The following AATK variants were observed in gnomAD, a reference collection of about 807,000 sequenced individuals.
AATK encodes the protein serine/threonine-protein kinase LMTK1.
In AATK, 91 loss-of-function variants were observed where a neutral mutation model predicts 114.3. The ratio of observed to expected loss-of-function variants is 0.80; its 90% CI spans 0.67 to 0.95. The LOEUF (loss-of-function observed/expected upper bound fraction) is 0.95, where lower values mean the gene tolerates loss of function less well. Among genes scored for constraint, AATK ranks in the 40% least tolerant of loss-of-function variants. The pLI, the probability that AATK is intolerant of heterozygous loss-of-function variation, is 0.00. For synonymous variants in AATK, 1,075 were observed against 916.5 expected (o/e 1.17, Z -3.12); for missense variants, 2,176 against 1,965.2 (o/e 1.11, Z -2.03).
chr17:81,155,205 C>T (rs2146402414), intron 1 of AATK, among the ~76,000 whole-genome samples: 1 of 152,286 alleles, frequency 6.6e-6, no homozygotes, highest in South Asian at 2.1e-4. Flanking sequence ...AAGACCCTGG[C>T]TCTGTGGGCG....
At chr17:81,164,945 G>A (rs571098723) in intron 1 of AATK, among the ~76,000 whole-genome samples, 4 of 152,226 alleles carry the variant, frequency 2.6e-5, no homozygotes, top group African/African-American at 9.6e-5. Context: ...CTGCCCCGGG[G>A]ACCCCCGTGC....
At chr17:81,160,525 T>C (rs1479043716) in intron 1 of AATK, among the ~76,000 whole-genome samples, 1 of 152,220 alleles carries the variant, frequency 6.6e-6, no homozygotes, top group African/African-American at 2.4e-5. Flanking sequence ...CGGGCGCTTG[T>C]TCCTCTGTGA....
At position 81,118,250 on chromosome 17, in the gene AATK, G is replaced by C; in HGVS notation, c.*152C>G. ...CCATCCAGGGCCTCTCATCCCACGG[G>C]CTTCTCCAGGACACCGCGTGGGGCA... On this transcript the variant is annotated 3_prime_UTR_variant, in exon 14 of 14. Coordinates refer to ENST00000326724, the MANE Select transcript of AATK (RefSeq NM_001080395.3). 1 of 714,394 alleles carries C rather than the reference G, an allele frequency of 1.4e-6. No individual in the cohort carries two copies. The highest frequency in any genetic ancestry group is 1.8e-5 in the South Asian group (1 of 54,334). The allele number at this position is 714,394 out of a possible 1,614,324, so 44.3% of individuals were successfully genotyped here. A position where few individuals can be genotyped will look rare whatever the true frequency, so the allele number is the denominator to read the frequency against.
intron 1 of AATK, among the ~76,000 whole-genome samples, chr17:81,160,601 G>C (rs2061419512): frequency 6.6e-6 from 1 of 152,230 alleles, no homozygotes; most frequent in Non-Finnish European, 1.5e-5. Flanking sequence ...CCTGCGGAGG[G>C]GACGGGAGTC....
At chr17:81,123,663 T>C (rs2060734049) in intron 9 of AATK, among the ~76,000 whole-genome samples, 1 of 102,806 alleles carries the variant, frequency 9.7e-6, no homozygotes, top group South Asian at 3.5e-4. Context: ...GGAGCTGCCC[T>C]GGGGGAGCTG....
At chr17:81,161,365 C>T (rs866677631) in intron 1 of AATK, among the ~76,000 whole-genome samples, 2 of 152,224 alleles carry the variant, frequency 1.3e-5, no homozygotes, top group Non-Finnish European at 2.9e-5. Flanking sequence ...CTCTTTCTAT[C>T]AGGCCCCAGT....
At chr17:81,122,845 G>A (rs72854175) in intron 10 of AATK, 22 bp from the exon 11 acceptor site, 192,686 of 1,443,902 alleles carry the variant, frequency 0.13, 13,645 homozygotes, top group Middle Eastern at 0.2. Context: ...TCCCCCGGGG[G>A]CCACGTCAGA....
In AATK at chr17:81,119,431, A is replaced by G; in HGVS notation, c.4033T>C (p.Ser1345Pro). ...SRFTVSPAPT[S>P]RFSITHVSDS... is the part of the protein sequence containing the mutation. ...GACACGTGCGTGATGGAGAAGCGGG[A>G]CGTGGGCGCGGGCGACACCGTGAAG... The change falls in exon 13 of 14, where the codon TCC becomes CCC. Residue 1345 changes from serine to proline, a missense_variant. This residue lies in a region of AATK where 1,701 missense variants were observed against 1,394.7 expected (regional missense o/e 1.22). Coordinates refer to ENST00000326724, the MANE Select transcript of AATK (RefSeq NM_001080395.3). 2 of 1,525,282 alleles carry G rather than the reference A, an allele frequency of 1.3e-6. No individual in the cohort carries two copies. Among genetic ancestry groups the G allele is most frequent in the Admixed American group, 2.1e-5 (1 of 46,534 alleles). The allele number at this position is 1,525,282 out of a possible 1,614,324, so 94.5% of individuals were successfully genotyped here.
At chr17:81,144,501 A>T (rs1204495686) in intron 1 of AATK, among the ~76,000 whole-genome samples, 7 of 152,224 alleles carry the variant, frequency 4.6e-5, no homozygotes. Flanking sequence ...GGGCCGCTGC[A>T]GCTGGGACAA....
chr17:81,143,507 C>T (rs2061169484), intron 1 of AATK, among the ~76,000 whole-genome samples: 1 of 52,104 alleles, frequency 1.9e-5, no homozygotes, highest in African/African-American at 5.8e-5. Flanking sequence ...GTCCACGCAG[C>T]CTCACTTCCC....
In AATK at chr17:81,120,283, G is replaced by A. The variant is rs771887428; in HGVS notation, c.3653C>T (p.Ser1218Phe). The change falls in exon 11 of 14, where the codon TCC becomes TTC. Residue 1218 changes from serine to phenylalanine, a missense_variant. By Grantham distance (155) the Ser-to-Phe change is radical. This residue lies in a region of AATK where 1,701 missense variants were observed against 1,394.7 expected (regional missense o/e 1.22). Coordinates refer to ENST00000326724, the MANE Select transcript of AATK (RefSeq NM_001080395.3). ...TTCCAGGTCCTCGCAGAAGGTCTCG[G>A]ACAGCAGGCTGGGCATCTTGAGCAG... ...RSLLKMPSLL[S>F]ETFCEDLERK... 2 of 1,608,692 alleles carry A rather than the reference G, an allele frequency of 1.2e-6. No homozygotes were observed. The highest frequency in any genetic ancestry group is 3.3e-5 in the Admixed American group (2 of 59,970).
intron 1 of AATK, among the ~76,000 whole-genome samples, chr17:81,153,144 C>T (rs1332340961): frequency 8.5e-5 from 13 of 152,178 alleles, no homozygotes; most frequent in Admixed American, 7.9e-4. Flanking sequence ...ACCTGGCCTC[C>T]ATCCCCACTG....
intron 1 of AATK, among the ~76,000 whole-genome samples, chr17:81,150,983 C>A (rs547660874): frequency 1.3e-5 from 2 of 152,292 alleles, no homozygotes; most frequent in Non-Finnish European, 2.9e-5. Flanking sequence ...TCCCCATTGT[C>A]TGTTACGAAT....
rs368811572 is a variant in AATK, at chr17:81,121,437, G to A, written c.2499C>T (p.Gly833=). ...AAGCCAGCTTGATGGCAGACACCTCGCCACCAGTAGCAGGCGTGGGAGAGT... is the reference window on the plus strand; with the variant it reads ...AAGCCAGCTTGATGGCAGACACCTCACCACCAGTAGCAGGCGTGGGAGAGT... ...LPDSPTPATG[G]EVSAIKLASA... Residue 833 remains glycine, a synonymous_variant, in exon 11 of 14, where the codon GGC becomes GGT. Transcript: ENST00000326724. 62 of 1,599,786 alleles carry A rather than the reference G, an allele frequency of 3.9e-5. No individual in the cohort carries two copies. Among genetic ancestry groups the A allele is most frequent in the African/African-American group, 8.0e-5 (6 of 74,632 alleles).
At chr17:81,125,476 C>A (rs1019959469) in intron 7 of AATK, 14 of 366,674 alleles carry the variant, frequency 3.8e-5, no homozygotes, top group Non-Finnish European at 6.8e-5. Flanking sequence ...TAGGGTCCAG[C>A]CCTGCCATGC....
rs778316408 is a variant in AATK, at chr17:81,120,881, G to C, written c.3055C>G (p.Arg1019Gly). The change falls in exon 11 of 14, where the codon CGA becomes GGA. Residue 1019 changes from arginine (R) to glycine (G), a missense_variant. Arg to Gly is a moderately radical substitution (Grantham distance 125). Around this residue, in one of 4 missense-constraint regions of AATK, gnomAD observed 1,701 missense variants for 1,394.7 expected, o/e 1.22. Coordinates refer to ENST00000326724, the MANE Select transcript of AATK (RefSeq NM_001080395.3). ...AGGCCCAGCTCTGGCCCGGGGGCTC[G>C]GTCCCCGCCGCACTTCTTCTCTGGG... ...SGPEKKCGGD[R>G]APGPELGLPS... The C allele has an allele frequency of 5.7e-6, 9 of 1,579,038 alleles. No individual in the cohort carries two copies. Among genetic ancestry groups the C allele is most frequent in the Non-Finnish European group, 7.7e-6 (9 of 1,162,842 alleles).
At chr17:81,125,446 C>T (rs534465459) in intron 7 of AATK, 9 of 405,212 alleles carry the variant, frequency 2.2e-5, no homozygotes, top group South Asian at 3.8e-5. Context: ...GGGGTCCTGC[C>T]GGCTGCCGGA....
chr17:81,148,395 C>G (rs2061250812), intron 1 of AATK, among the ~76,000 whole-genome samples: 1 of 152,238 alleles, frequency 6.6e-6, no homozygotes, highest in Admixed American at 6.5e-5. Flanking sequence ...CCCAACACCC[C>G]CGGCATCTTG....
In AATK at chr17:81,126,424, C is replaced by T. The variant is rs1437062099; in HGVS notation, c.755+3G>A. 8 of 1,559,994 alleles carry T rather than the reference C, an allele frequency of 5.1e-6. No homozygotes were observed. The highest frequency in any genetic ancestry group is 2.4e-5 in the East Asian group (1 of 41,610). On this transcript the variant is annotated splice_donor_region_variant and intron_variant, in intron 7 of 13. Transcript: ENST00000326724. The surrounding 1 kb of genome is among the most constrained non-coding windows in gnomAD (Gnocchi z 5.1). Reference sequence around the variant, plus strand: ...CCGGCCGCTGGCCCGCGCCCGCCCTCACCTGTGCACGAAATTGTTGCGATG... The same window carrying T: ...CCGGCCGCTGGCCCGCGCCCGCCCTTACCTGTGCACGAAATTGTTGCGATG...
Sources: gnomAD v4.1 joint callset for allele counts (sites outside exome capture counted in the v4.1 genomes callset) on GRCh38, gnomAD v4.1.1 for gene constraint, gnomAD v4.1.1 regional missense constraint, Gnocchi (gnomAD v3.1) non-coding constraint, MANE v1.5 for transcripts, NCBI Gene and HGNC (gene_info 2026-07-23, HGNC 2026-07-21) for gene names.